The following MAMLD1 variants were observed in gnomAD, a reference collection of about 807,000 sequenced individuals.
MAMLD1 encodes mastermind like domain containing 1.
A neutral mutation model predicts 45.0 loss-of-function variants in MAMLD1; 14 were observed. The ratio of observed to expected loss-of-function variants is 0.31; its 90% confidence interval spans 0.21 to 0.49. The LOEUF (loss-of-function observed/expected upper bound fraction) is 0.49, where lower values mean the gene tolerates loss of function less well. Ranked by LOEUF, MAMLD1 falls within the 20% of genes least tolerant of loss-of-function variation. The pLI is 0.99. For missense variants in MAMLD1, 543 were observed against 603.6 expected, an observed-to-expected ratio of 0.90 and a Z score of 1.05; for synonymous variants, 254 against 247.8, an observed-to-expected ratio of 1.02 and a Z score of -0.24.
chrX:150,396,773 G>A (rs781933545), intron 1 of MAMLD1, among the ~76,000 whole-genome samples: 1 of 111,651 alleles, frequency 9.0e-6, no homozygotes, highest in South Asian at 3.8e-4. Flanking sequence ...TCTTTTGCCT[G>A]TGCCTGTTGA....
At position 150,470,385 on chromosome X, in the gene MAMLD1, T is replaced by G; in HGVS notation, c.812T>G (p.Ile271Arg). 3 of 1,211,239 alleles carry G rather than the reference T, an allele frequency of 2.5e-6. No individual in the cohort carries two copies. The highest frequency in any genetic ancestry group is 3.4e-6 in the Non-Finnish European group (3 of 895,093). Reference protein sequence around the residue: ...SYSIPSTSKQIVSPSSSMAQS... With the variant: ...SYSIPSTSKQRVSPSSSMAQS... Reference sequence around the variant, plus strand: ...TCGATTCCTTCCACCAGTAAGCAGATAGTGTCACCGAGTTCTTCAATGGCA... The same window carrying G: ...TCGATTCCTTCCACCAGTAAGCAGAGAGTGTCACCGAGTTCTTCAATGGCA... The change falls in exon 4 of 8, where the codon ATA (isoleucine) becomes AGA (arginine). Residue 271 changes from isoleucine to arginine, a missense_variant. Coordinates refer to ENST00000370401, the MANE Select transcript of MAMLD1 (RefSeq NM_005491.5).
intron 2 of MAMLD1, among the ~76,000 whole-genome samples, chrX:150,455,195 G>C (rs1242431209): frequency 1.2e-4 from 13 of 112,223 alleles, no homozygotes; most frequent in Non-Finnish European, 2.1e-4. Context: ...ATTGAATTAG[G>C]ATTCATAAGA....
intron 5 of MAMLD1, among the ~76,000 whole-genome samples, chrX:150,478,689 G>A (rs893676338): frequency 8.9e-6 from 1 of 112,633 alleles, no homozygotes; most frequent in Non-Finnish European, 1.9e-5. Flanking sequence ...GGACCAGGCA[G>A]ATTTCAAAGA....
chrX:150,451,159 C>T (rs1557405054), intron 2 of MAMLD1, among the ~76,000 whole-genome samples: 1 of 112,452 alleles, frequency 8.9e-6, no homozygotes, highest in African/African-American at 3.2e-5. Flanking sequence ...GAGGGGAGCT[C>T]CATTTTTCAG....
chrX:150,398,370 AGAG>A (rs1569564642), intron 1 of MAMLD1, among the ~76,000 whole-genome samples: 17 of 109,106 alleles, frequency 1.6e-4, no homozygotes, highest in African/African-American at 5.4e-4. Context: ...AGGAAGAGGA[AGAG>A]GAAGAAGAAG....
rs1419419827 is a variant in MAMLD1 at position 150,371,653 on chromosome X, A to AC, written c.-64+8126dup. On this transcript the variant is annotated intron_variant, in intron 1 of 7. Transcript: ENST00000370401. Reference sequence around the variant, plus strand: ...TTCTTGGTCCAATTGTCCCAGCTCCACCCTCACCCCACAAGTAATGCATTT... The same window carrying AC: ...TTCTTGGTCCAATTGTCCCAGCTCCACCCCTCACCCCACAAGTAATGCATTT... Among the ~76,000 whole-genome samples the AC allele has an allele frequency of 2.7e-5, 3 of 111,711 alleles. No individual in the cohort carries two copies. The Admixed American group carries it at 2.8e-4, about 11-fold the overall frequency.
chrX:150,504,674 A>G (rs2037670837), intron 6 of MAMLD1: 2 of 743,435 alleles, frequency 2.7e-6, no homozygotes, highest in Non-Finnish European at 3.2e-6. Flanking sequence ...TGGAAGCCAC[A>G]GATGAAAGGA....
chrX:150,431,398 GTT>G (rs58560950), intron 1 of MAMLD1, among the ~76,000 whole-genome samples: 1,604 of 103,162 alleles, frequency 0.016, 32 homozygotes, highest in African/African-American at 0.046. Flanking sequence ...CTTCTTCCTT[GTT>G]TTTTTTTTTT....
At chrX:150,492,853 C>G (rs932264517) in intron 5 of MAMLD1, among the ~76,000 whole-genome samples, 2 of 111,873 alleles carry the variant, frequency 1.8e-5, no homozygotes, top group Admixed American at 1.9e-4. Context: ...AGAATGATGA[C>G]CTGACTAGGT....
At chrX:150,441,040 A>G (rs1780898394) in intron 1 of MAMLD1, among the ~76,000 whole-genome samples, 2 of 104,625 alleles carry the variant, frequency 1.9e-5, no homozygotes, top group South Asian at 7.5e-4. Context: ...ATTAATAATA[A>G]TAAAAATATT....
intron 3 of MAMLD1, 46 bp from the exon 4 acceptor site, chrX:150,469,699 C>T (rs782791333): frequency 1.3e-5 from 13 of 1,015,314 alleles, no homozygotes; most frequent in Non-Finnish European, 1.8e-5. Flanking sequence ...CCTCTCTTCC[C>T]TTCTCCTCTC....
chrX:150,387,566 G>C (rs183455659), intron 1 of MAMLD1, among the ~76,000 whole-genome samples: 2 of 112,118 alleles, frequency 1.8e-5, no homozygotes, highest in African/African-American at 3.2e-5. Flanking sequence ...AGGGCTGACT[G>C]TAGGACTGTA....
intron 7 of MAMLD1, 34 bp from the exon 8 acceptor site, chrX:150,511,970 G>C: frequency 9.5e-7 from 1 of 1,047,441 alleles, no homozygotes. Flanking sequence ...GATGCCTTTG[G>C]AACTCATCCC....
intron 1 of MAMLD1, among the ~76,000 whole-genome samples, chrX:150,382,885 A>ATTTTTTTT (rs1405489784): frequency 7.3e-5 from 3 of 41,189 alleles, no homozygotes; most frequent in Non-Finnish European, 1.2e-4. Flanking sequence ...ATTTTATTTT[A>ATTTTTTTT]TTTTTTTTTT....
At chrX:150,488,760 G>A (rs891286588) in intron 5 of MAMLD1, among the ~76,000 whole-genome samples, 3 of 113,008 alleles carry the variant, frequency 2.7e-5, no homozygotes, top group South Asian at 3.5e-4. Flanking sequence ...TATGCTCATC[G>A]TTTTTCTTCC....
intron 6 of MAMLD1, among the ~76,000 whole-genome samples, chrX:150,508,850 A>G (rs1398105263): frequency 1.8e-5 from 2 of 111,791 alleles, no homozygotes; most frequent in Non-Finnish European, 3.8e-5. Flanking sequence ...TGAGAAGGGG[A>G]GAGAGATGGC....
At chrX:150,411,187 C>A (rs1157958557) in intron 1 of MAMLD1, among the ~76,000 whole-genome samples, 2 of 111,764 alleles carry the variant, frequency 1.8e-5, no homozygotes, top group African/African-American at 3.3e-5. Flanking sequence ...TAAGGGTAAG[C>A]ACCTTCACTC....
chrX:150,445,485 G>T lies in MAMLD1; in HGVS notation c.-32G>T. The T allele has an allele frequency of 8.9e-7, 1 of 1,121,271 alleles. No homozygotes were observed. Among genetic ancestry groups the T allele is most frequent in the Non-Finnish European group, 1.2e-6 (1 of 813,524 alleles). The allele number at this position is 1,121,271 out of a possible 1,213,427, so 92.4% of individuals were successfully genotyped here. ...GTCTAGGTCGTTTGGGAAACGCCTTGGAGAGTCAAGAATAAATTTGCAGGT... is the reference window on the plus strand; with the variant it reads ...GTCTAGGTCGTTTGGGAAACGCCTTTGAGAGTCAAGAATAAATTTGCAGGT... On this transcript the variant is annotated 5_prime_UTR_variant, in exon 2 of 8. Coordinates refer to ENST00000370401, the MANE Select transcript of MAMLD1 (RefSeq NM_005491.5).
chrX:150,374,604 C>T (rs1279081890), intron 1 of MAMLD1, among the ~76,000 whole-genome samples: 1 of 112,217 alleles, frequency 8.9e-6, no homozygotes, highest in Non-Finnish European at 1.9e-5. Context: ...GCATAAGTTA[C>T]GCCCAGGCAA....
Sources: gnomAD v4.1 joint callset for allele counts (sites outside exome capture counted in the v4.1 genomes callset) on GRCh38, gnomAD v4.1.1 for gene constraint, MANE v1.5 for transcripts, NCBI Gene and HGNC (gene_info 2026-07-23, HGNC 2026-07-21) for gene names.